Variants in DYNC2I2 observed in about 807,000 individuals in gnomAD.
DYNC2I2 encodes the protein dynein 2 intermediate chain 2, also known as cytoplasmic dynein 2 intermediate chain 2.
A neutral mutation model predicts 52.0 loss-of-function variants in DYNC2I2; 39 were observed. That is an observed-to-expected ratio of 0.75 (90% CI 0.58 to 0.98). The LOEUF (loss-of-function observed/expected upper bound fraction) is 0.98. DYNC2I2 is among the 50% of genes least tolerant of loss of function. DYNC2I2 has a pLI of 0.00. For missense variants in DYNC2I2, 743 were observed against 728.4 expected, an observed-to-expected ratio of 1.02 and a Z score of -0.23; for synonymous variants, 359 against 321.1, an observed-to-expected ratio of 1.12 and a Z score of -1.26.
the DYNC2I2 span, among the ~76,000 whole-genome samples, chr9:128,666,010 G>T: frequency 2.0e-5 from 3 of 151,852 alleles, no homozygotes; most frequent in African/African-American, 7.3e-5. Context: ...AGGAGGCGGT[G>T]GTTGTAGTGA....
At chr9:128,635,337 T>C in intron 5 of DYNC2I2, 78 bp from the exon 6 acceptor site, 2 of 1,473,992 alleles carry the variant, frequency 1.4e-6, no homozygotes, top group African/African-American at 1.4e-5. Context: ...CTACCCTCCC[T>C]CTCTTCCAGG....
At chr9:128,657,650 T>C (rs1184211337), upstream of DYNC2I2, among the ~76,000 whole-genome samples, 1 of 151,714 alleles carries the variant, frequency 6.6e-6, no homozygotes, top group Non-Finnish European at 1.5e-5. Flanking sequence ...AAAAAAAATG[T>C]TTTAAAACTT....
the DYNC2I2 span, chr9:128,683,278 TC>T: frequency 7.3e-4 from 30 of 41,212 alleles, 1 homozygote; most frequent in African/African-American, 1.6e-3. Flanking sequence ...CTTTCTTTCT[TC>T]TTTTTTTTTT....
At chr9:128,635,399 G>T in intron 5 of DYNC2I2, 140 bp from the exon 6 acceptor site, 1 of 1,136,226 alleles carries the variant, frequency 8.8e-7, no homozygotes, top group Non-Finnish European at 1.2e-6. Flanking sequence ...CCACCAGGGG[G>T]CAGGCCTGGA....
intron 1 of DYNC2I2, among the ~76,000 whole-genome samples, chr9:128,653,084 C>A (rs1860748925): frequency 6.7e-6 from 1 of 148,212 alleles, no homozygotes; most frequent in Non-Finnish European, 1.5e-5. Context: ...CAAAAATTAG[C>A]CCAATGTGGT....
intron 1 of DYNC2I2, among the ~76,000 whole-genome samples, chr9:128,646,721 G>A (rs1486421585): frequency 6.6e-6 from 1 of 151,388 alleles, no homozygotes; most frequent in East Asian, 2.0e-4. Context: ...AGTGGCTCAT[G>A]CCTGTAATCC....
At chr9:128,647,058 G>A (rs1305659027) in intron 1 of DYNC2I2, among the ~76,000 whole-genome samples, 1 of 152,218 alleles carries the variant, frequency 6.6e-6, no homozygotes, top group Non-Finnish European at 1.5e-5. Context: ...CCAGGAGGCA[G>A]AGGTTGTGGT....
At chr9:128,637,991 C>G (rs1860446572) in intron 2 of DYNC2I2, among the ~76,000 whole-genome samples, 1 of 152,034 alleles carries the variant, frequency 6.6e-6, no homozygotes, top group Non-Finnish European at 1.5e-5. Flanking sequence ...AATCTCAGCA[C>G]TTTGGGAGGC....
chr9:128,634,025 GACCA>G, intron 8 of DYNC2I2, 43 bp from the exon 9 acceptor site: 2 of 1,604,566 alleles, frequency 1.2e-6, no homozygotes, highest in South Asian at 1.1e-5. Context: ...AAACTCTAGA[GACCA>G]ACCACATGGC....
intron 1 of DYNC2I2, among the ~76,000 whole-genome samples, chr9:128,649,820 C>T (rs1448100474): frequency 1.5e-5 from 1 of 66,588 alleles, no homozygotes; most frequent in Non-Finnish European, 4.9e-5. Context: ...TGGTGAAACC[C>T]CATCTCTACT....
chr9:128,635,045 C>A (rs769104518), intron 6 of DYNC2I2, 47 bp downstream of exon 6: 2 of 1,590,152 alleles, frequency 1.3e-6, no homozygotes, highest in Admixed American at 1.7e-5. Flanking sequence ...TTCCCACCCC[C>A]AAGGCTCACC....
chr9:128,639,828 G>C (rs2132152946), intron 2 of DYNC2I2, among the ~76,000 whole-genome samples: 1 of 151,730 alleles, frequency 6.6e-6, no homozygotes, highest in Admixed American at 6.6e-5. Context: ...ACCACGCCTG[G>C]CTAATTTTTG....
chr9:128,642,566 C>T (rs539997185), intron 1 of DYNC2I2, among the ~76,000 whole-genome samples: 1 of 151,368 alleles, frequency 6.6e-6, no homozygotes, highest in Non-Finnish European at 1.5e-5. Context: ...GTCAGGAGAT[C>T]GAGACCATCC....
chr9:128,669,360 G>A, the DYNC2I2 span, among the ~76,000 whole-genome samples: 1 of 151,544 alleles, frequency 6.6e-6, no homozygotes, highest in South Asian at 2.1e-4. Context: ...GCGAGACTCT[G>A]TCTCAAAAAA....
At chr9:128,655,237 C>T (rs1471707441) in intron 1 of DYNC2I2, among the ~76,000 whole-genome samples, 1 of 150,440 alleles carries the variant, frequency 6.6e-6, no homozygotes, top group South Asian at 2.1e-4. Context: ...CGGTGGCTCA[C>T]ACCTGTAATC....
In DYNC2I2 at chr9:128,643,526, CA is replaced by C. The variant is rs539379955; in HGVS notation, c.187-2588del. On this transcript the variant is annotated intron_variant, in intron 1 of 8. Transcript: ENST00000372715. ...TGGGTGACAGAGTGAGACTCCATCT[CA>C]AAAAAAAAAAAAAAAATTGCCAGGC... Among the ~76,000 whole-genome samples the C allele has an allele frequency of 9.6e-3, 1,047 of 108,736 alleles. 5 individuals carry two copies. The highest frequency in any genetic ancestry group is 0.026 in the African/African-American group (794 of 30,398). 71.3% of individuals were successfully genotyped at this position (108,736 alleles called of 152,430 possible).
rs776000538 is a variant in DYNC2I2 at position 128,633,703 on chromosome 9, G to A, written c.*41C>T. The A allele has an allele frequency of 3.2e-6, 5 of 1,577,000 alleles. No individual in the cohort carries two copies. The African/African-American group carries it at 4.0e-5, about 13-fold the overall frequency. On this transcript the variant is annotated 3_prime_UTR_variant, in exon 9 of 9. Transcript: ENST00000372715. ...ATTTGGCTTGCGTCAGAAACACAAG[G>A]CTCGGCACAGCGAAGGCTTGCACCC...
At chr9:128,668,186 C>G in the DYNC2I2 span, among the ~76,000 whole-genome samples, 3 of 151,838 alleles carry the variant, frequency 2.0e-5, no homozygotes, top group African/African-American at 7.3e-5. Context: ...GTCTTGATCT[C>G]CTGACCTTGT....
the DYNC2I2 span, among the ~76,000 whole-genome samples, chr9:128,675,214 T>G: frequency 7.4e-4 from 112 of 152,214 alleles, no homozygotes; most frequent in African/African-American, 2.6e-3. Context: ...TATTGCTGTG[T>G]CAACCCAGGG....
Sources: gnomAD v4.1 joint callset for allele counts (sites outside exome capture counted in the v4.1 genomes callset) on GRCh38, gnomAD v4.1.1 for gene constraint, MANE v1.5 for transcripts, NCBI Gene and HGNC (gene_info 2026-07-23, HGNC 2026-07-21) for gene names.